The following WDR90 variants were observed in gnomAD, a reference collection of about 807,000 sequenced individuals.
The protein encoded by WDR90 is WD repeat domain 90.
WDR90 carries 238 observed loss-of-function variants against 195.2 expected under a neutral mutation model. That is an observed-to-expected ratio of 1.22 (90% CI 1.10 to 1.36). The LOEUF is 1.36. WDR90 is among the 40% of genes most tolerant of loss of function. The pLI, the probability that WDR90 is intolerant of heterozygous loss-of-function variation, is 0.00. For missense variants in WDR90, 2,734 were observed against 2,439.5 expected, an observed-to-expected ratio of 1.12 and a Z score of -2.54; for synonymous variants, 1,265 against 1,052.4, an observed-to-expected ratio of 1.20 and a Z score of -3.91.
chr16:659,516 C>T lies in WDR90; in HGVS notation c.3184+140C>T, dbSNP rs548559296. On this transcript the variant is annotated intron_variant, in intron 26 of 40. Transcript: ENST00000293879. ...CTCATCAGGTGGAACACAGTGGGGT[C>T]GGGGTGGGGGCAGCTTTTCCTCTCC... is the stretch of plus-strand genomic sequence containing the variant. 66 of 999,110 alleles carry T rather than the reference C, an allele frequency of 6.6e-5. 2 individuals are homozygous for T. Among genetic ancestry groups the T allele is most frequent in the South Asian group, 5.8e-4 (37 of 64,064 alleles). 61.9% of individuals were successfully genotyped at this position (999,110 alleles called of 1,614,324 possible). A position where few individuals can be genotyped will look rare whatever the true frequency, so the allele number is the denominator to read the frequency against.
chr16:658,821 C>A (rs549615576), intron 23 of WDR90, 75 bp from the exon 24 acceptor site: 12 of 1,581,950 alleles, frequency 7.6e-6, no homozygotes, highest in Admixed American at 5.1e-5. Flanking sequence ...TGGGGCTCAC[C>A]GTCCCTGGGG....
chr16:649,082 GCGGCGGGAGCCC>G (rs2037583817), upstream of WDR90: 1 of 299,958 alleles, frequency 3.3e-6, no homozygotes, highest in Admixed American at 5.2e-5. Context: ...CTGCTTGCAT[GCGGCGGGAGCCC>G]CGGCCGGCCG....
intron 34 of WDR90, chr16:665,343 C>T (rs1371443563): frequency 3.8e-6 from 2 of 522,018 alleles, no homozygotes; most frequent in Non-Finnish European, 6.7e-6. Flanking sequence ...TAGGGACGCA[C>T]GGCCACACTC....
intron 6 of WDR90, 30 bp downstream of exon 6, chr16:651,133 C>T: frequency 6.2e-7 from 1 of 1,612,994 alleles, no homozygotes; most frequent in Non-Finnish European, 8.5e-7. Context: ...TCGAGGGAGG[C>T]CTCGGTGGTG....
rs983846739 is a variant in WDR90 at position 658,885 on chromosome 16, G to A, written c.2896-11G>A. 7.5e-6 allele frequency: 12 copies of A among 1,610,482 alleles called. No homozygotes were observed. The highest frequency in any genetic ancestry group is 2.2e-5 in the South Asian group (2 of 91,066). ...GCCTCGGGGTCCTGCATGTGACGCCGCTACCCCTAGGTGTACATCGGCCAC... is the reference window on the plus strand; with the variant it reads ...GCCTCGGGGTCCTGCATGTGACGCCACTACCCCTAGGTGTACATCGGCCAC... On this transcript the variant is annotated splice_polypyrimidine_tract_variant and intron_variant, in intron 23 of 40. Coordinates refer to ENST00000293879, the MANE Select transcript of WDR90 (RefSeq NM_145294.5).
At position 649,985 on chromosome 16, in the gene WDR90, C is replaced by T. The variant is rs373072159; in HGVS notation, c.103-6C>T. 14 of 1,612,190 alleles carry T rather than the reference C, an allele frequency of 8.7e-6. No individual in the cohort carries two copies. Among genetic ancestry groups the T allele is most frequent in the African/African-American group, 4.0e-5 (3 of 74,940 alleles). ...CTGTCGGTGATGCGGGCTCCCGCTT[C>T]TCCAGGACAAGACCCTGAAGGGCGC... is the stretch of plus-strand genomic sequence containing the variant. On this transcript the variant is annotated splice_region_variant and splice_polypyrimidine_tract_variant and intron_variant, in intron 2 of 40. Coordinates refer to ENST00000293879, the MANE Select transcript of WDR90 (RefSeq NM_145294.5).
intron 26 of WDR90, among the ~76,000 whole-genome samples, chr16:659,851 G>A (rs2037856150): frequency 6.6e-6 from 1 of 152,236 alleles, no homozygotes; most frequent in Non-Finnish European, 1.5e-5. Flanking sequence ...AGGGGCCTGA[G>A]GACGGTCGGT....
rs372817291 is a variant in WDR90 at position 664,524 on chromosome 16, T to C, written c.4312-1155T>C. On this transcript the variant is annotated intron_variant, in intron 34 of 40. Transcript: ENST00000293879. ...TGGTGGCCTTCCTGTGATGTGGAAG[T>C]GCGAGGAATTCTGGGCCCCGCCTGT... Among the ~76,000 whole-genome samples the C allele has an allele frequency of 2.0e-4, 30 of 152,252 alleles. No individual in the cohort carries two copies. The East Asian group carries it at 4.1e-3, about 21-fold the overall frequency.
intron 20 of WDR90, 76 bp from the exon 21 acceptor site, chr16:657,686 G>A (rs1241541369): frequency 2.8e-6 from 4 of 1,441,290 alleles, no homozygotes; most frequent in Non-Finnish European, 2.7e-6. Context: ...GGGCAGGGGC[G>A]GCGGCCTCCT....
chr16:654,205 T>G (rs1203999324), intron 13 of WDR90: 1 of 217,416 alleles, frequency 4.6e-6, no homozygotes, highest in African/African-American at 2.3e-5. Context: ...AAACATTTTT[T>G]TTTTGAGAGA....
intron 33 of WDR90, 101 bp from the exon 34 acceptor site, chr16:662,578 G>A: frequency 6.9e-7 from 1 of 1,457,710 alleles, no homozygotes; most frequent in Admixed American, 2.3e-5. Flanking sequence ...CAGGTCCTGA[G>A]ATGCAATGCT....
intron 36 of WDR90, 48 bp downstream of exon 36, chr16:666,172 G>A: frequency 6.2e-7 from 1 of 1,606,174 alleles, no homozygotes; most frequent in Non-Finnish European, 8.5e-7. Context: ...ACCTGGCCCA[G>A]GTCCAGTCTC....
intron 1 of WDR90, 117 bp from the exon 2 acceptor site, chr16:649,646 C>T: frequency 8.4e-7 from 1 of 1,194,402 alleles, no homozygotes; most frequent in Non-Finnish European, 1.1e-6. Context: ...GTTGGCGTCG[C>T]CGGGGAAGGC....
intron 26 of WDR90, 81 bp from the exon 27 acceptor site, chr16:659,976 TG>T (rs2037859337): frequency 9.3e-7 from 1 of 1,071,628 alleles, no homozygotes. Context: ...ACCAGGGGCT[TG>T]TGGGGAGACT....
At chr16:652,312 T>A in intron 9 of WDR90, 155 bp from the exon 10 acceptor site, 2 of 947,532 alleles carry the variant, frequency 2.1e-6, no homozygotes, top group Non-Finnish European at 3.1e-6. Context: ...GAGTCCCAGC[T>A]TCCACCTTAC....
rs1317540149 is a variant in WDR90, at chr16:657,175, C to A, written c.2427C>A (p.Ala809=). The change falls in exon 20 of 41, where the codon GCC becomes GCA. Residue 809 remains alanine (A), a synonymous_variant. Coordinates refer to ENST00000293879, the MANE Select transcript of WDR90 (RefSeq NM_145294.5). ...LFSSCSQGSL[A]QYSCADPQWH... ...GCTCCTGCTCCCAGGGCTCCCTGGC[C>A]CAGTACAGCTGTGCGGACCCCCAGT... The A allele has an allele frequency of 3.2e-6, 5 of 1,558,668 alleles. No homozygotes were observed. The East Asian group carries it at 1.2e-4, about 38-fold the overall frequency.
intron 4 of WDR90, 48 bp downstream of exon 4, chr16:650,410 G>A (rs746440229): frequency 7.5e-6 from 12 of 1,595,776 alleles, no homozygotes; most frequent in East Asian, 6.8e-5. Flanking sequence ...TGGCTGGAGG[G>A]AGTTGGTGCA....
chr16:657,694 C>A (rs2151258354), intron 20 of WDR90, 68 bp from the exon 21 acceptor site: 1 of 1,460,554 alleles, frequency 6.8e-7, no homozygotes, highest in Non-Finnish European at 9.0e-7. Flanking sequence ...GCGGCGGCCT[C>A]CTCGGGCCCT....
chr16:653,292 A>C, intron 10 of WDR90, 49 bp from the exon 11 acceptor site: 1 of 1,414,310 alleles, frequency 7.1e-7, no homozygotes, highest in Non-Finnish European at 9.3e-7. Flanking sequence ...GGCAGCCAGG[A>C]GGGGCCTGGC....
Sources: allele counts gnomAD v4.1 joint callset (sites outside exome capture counted in the v4.1 genomes callset), GRCh38; gene constraint gnomAD v4.1.1; transcripts MANE v1.5; gene names NCBI Gene and HGNC (gene_info 2026-07-23, HGNC 2026-07-21).